The following OSBPL10 variants were observed in gnomAD, a reference collection of about 807,000 sequenced individuals.
OSBPL10 encodes oxysterol binding protein like 10.
In OSBPL10, 49 loss-of-function variants were observed where a neutral mutation model predicts 81.7. The ratio of observed to expected loss-of-function variants is 0.60; its 90% CI spans 0.48 to 0.76. The LOEUF (loss-of-function observed/expected upper bound fraction) is 0.76. Ranked by LOEUF, OSBPL10 falls within the 30% of genes least tolerant of loss-of-function variation. OSBPL10 has a pLI of 0.00. For synonymous variants in OSBPL10, 419 were observed against 383.6 expected, an observed-to-expected ratio of 1.09 and a Z score of -1.08; for missense variants, 923 against 987.8, an observed-to-expected ratio of 0.93 and a Z score of 0.88.
At chr3:32,056,034 C>G (rs1209272733) in intron 1 of OSBPL10, among the ~76,000 whole-genome samples, 1 of 152,180 alleles carries the variant, frequency 6.6e-6, no homozygotes, top group African/African-American at 2.4e-5. Flanking sequence ...ATTCTTGCTG[C>G]ACTTTTTACA....
At chr3:31,668,339 C>T (rs1215961456) in intron 10 of OSBPL10, among the ~76,000 whole-genome samples, 1 of 152,132 alleles carries the variant, frequency 6.6e-6, no homozygotes, top group African/African-American at 2.4e-5. Flanking sequence ...TTACTATCAA[C>T]TCTCGGTATT....
chr3:31,732,908 C>T (rs577636579), intron 6 of OSBPL10: 2 of 285,410 alleles, frequency 7.0e-6, no homozygotes, highest in Non-Finnish European at 1.3e-5. Context: ...AGCCATTATT[C>T]AGGGGAGCGA....
At chr3:31,945,509 T>G (rs1016506918) in intron 1 of OSBPL10, among the ~76,000 whole-genome samples, 16 of 152,224 alleles carry the variant, frequency 1.1e-4, no homozygotes, top group African/African-American at 3.6e-4. Flanking sequence ...TTGAATCAGT[T>G]GACAATCTTT....
At chr3:31,729,367 AG>A (rs1696896592) in intron 6 of OSBPL10, among the ~76,000 whole-genome samples, 1 of 152,168 alleles carries the variant, frequency 6.6e-6, no homozygotes, top group Non-Finnish European at 1.5e-5. Flanking sequence ...TATGGGAATT[AG>A]GTGCCTGTAG....
At chr3:31,939,739 T>C (rs1307564253) in intron 1 of OSBPL10, among the ~76,000 whole-genome samples, 2 of 152,212 alleles carry the variant, frequency 1.3e-5, no homozygotes, top group Non-Finnish European at 2.9e-5. Flanking sequence ...TGGGTTTCTT[T>C]CTATCTTGCT....
chr3:31,725,314 C>G (rs1696774533), intron 6 of OSBPL10, among the ~76,000 whole-genome samples: 3 of 152,156 alleles, frequency 2.0e-5, no homozygotes, highest in Non-Finnish European at 4.4e-5. Flanking sequence ...ATGGCTCTTT[C>G]TGATTTTTAG....
intron 3 of OSBPL10, among the ~76,000 whole-genome samples, chr3:31,834,564 T>C (rs528520157): frequency 2.0e-5 from 3 of 152,328 alleles, no homozygotes; most frequent in East Asian, 1.9e-4. Flanking sequence ...TACATTCTCA[T>C]TGAATGATTC....
At chr3:31,694,287 CTT>C (rs1695644329) in intron 7 of OSBPL10, among the ~76,000 whole-genome samples, 1 of 138,108 alleles carries the variant, frequency 7.2e-6, no homozygotes, top group African/African-American at 2.7e-5. Flanking sequence ...AGGAGAATCA[CTT>C]GAACTCGGGA....
intron 8 of OSBPL10, among the ~76,000 whole-genome samples, chr3:31,672,626 G>C (rs955415229): frequency 6.6e-6 from 1 of 152,126 alleles, no homozygotes; most frequent in African/African-American, 2.4e-5. Flanking sequence ...AATTGCCCAT[G>C]CACTATGGTA....
chr3:31,761,255 T>C (rs373767067), intron 4 of OSBPL10, among the ~76,000 whole-genome samples: 1 of 150,762 alleles, frequency 6.6e-6, no homozygotes, highest in East Asian at 2.0e-4. Context: ...AGGCAGATCA[T>C]GAGGTCAGGA....
At chr3:31,709,028 G>A (rs3805072) in intron 6 of OSBPL10, 540,680 of 984,992 alleles carry the variant, frequency 0.55, 154,178 homozygotes, top group Middle Eastern at 0.62. Flanking sequence ...AAAGGCCACC[G>A]GCGAATTTAG....
intron 4 of OSBPL10, among the ~76,000 whole-genome samples, chr3:31,805,886 G>T (rs1183587991): frequency 6.6e-6 from 1 of 152,174 alleles, no homozygotes; most frequent in Non-Finnish European, 1.5e-5. Context: ...GGGTTTAATA[G>T]TTGCTGACAA....
chr3:31,834,689 G>C (rs1700325880), intron 3 of OSBPL10, among the ~76,000 whole-genome samples: 1 of 152,228 alleles, frequency 6.6e-6, no homozygotes, highest in South Asian at 2.1e-4. Context: ...TCACTAGAAA[G>C]AATCTGTCCA....
At chr3:31,733,044 G>A in intron 6 of OSBPL10, 1 of 609,456 alleles carries the variant, frequency 1.6e-6, no homozygotes, top group East Asian at 3.0e-5. Context: ...CTCATTCGTA[G>A]GATCACAATT....
At chr3:31,982,650 T>A (rs1273330521), upstream of OSBPL10, among the ~76,000 whole-genome samples, 1 of 146,956 alleles carries the variant, frequency 6.8e-6, no homozygotes, top group Non-Finnish European at 1.5e-5. Flanking sequence ...TACATAGTGT[T>A]AAAAAAAAAA....
chr3:32,049,881 C>T (rs975875779), intron 1 of OSBPL10, among the ~76,000 whole-genome samples: 1 of 152,184 alleles, frequency 6.6e-6, no homozygotes, highest in Non-Finnish European at 1.5e-5. Context: ...CTCTGGCCTC[C>T]CCGAGCTCCT....
At chr3:31,849,430 G>A (rs1338071294) in intron 3 of OSBPL10, among the ~76,000 whole-genome samples, 1 of 152,110 alleles carries the variant, frequency 6.6e-6, no homozygotes, top group Non-Finnish European at 1.5e-5. Flanking sequence ...CAGAAAAACA[G>A]AGCAATTATC....
rs543112443 is a variant in OSBPL10 at position 31,957,998 on chromosome 3, A to G, written c.281+22901T>C. Among the ~76,000 whole-genome samples the G allele has an allele frequency of 3.3e-5, 5 of 152,320 alleles. No homozygotes were observed. The South Asian group carries it at 6.2e-4, about 19-fold the overall frequency. ...ACATTGTATAGAGTGACACTGAAGT[A>G]TGGTCATTTGTTTCTTGGTTTATTG... is the stretch of plus-strand genomic sequence containing the variant. On this transcript the variant is annotated intron_variant, in intron 1 of 11. Transcript: ENST00000396556.
At chr3:32,069,484 A>T (rs1171689853) in intron 1 of OSBPL10, among the ~76,000 whole-genome samples, 1 of 152,178 alleles carries the variant, frequency 6.6e-6, no homozygotes, top group Non-Finnish European at 1.5e-5. Context: ...ACTTAAAGAA[A>T]CTACCCAAGG....
Sources: gnomAD v4.1 joint callset for allele counts (sites outside exome capture counted in the v4.1 genomes callset) on GRCh38, gnomAD v4.1.1 for gene constraint, MANE v1.5 for transcripts, NCBI Gene and HGNC (gene_info 2026-07-23, HGNC 2026-07-21) for gene names.